SLC38A6: variants seen among roughly 807,000 people sequenced by gnomAD.
SLC38A6 encodes solute carrier family 38 member 6.
In SLC38A6, 73 loss-of-function variants were observed where a neutral mutation model predicts 65.0. The ratio of observed to expected loss-of-function variants is 1.12; its 90% CI spans 0.93 to 1.37. SLC38A6 has a LOEUF of 1.37. Ranked by LOEUF, SLC38A6 falls within the 40% of genes most tolerant of loss-of-function variation. The pLI, the probability that SLC38A6 is intolerant of heterozygous loss-of-function variation, is 0.00. For synonymous variants in SLC38A6, 183 were observed against 178.8 expected (o/e 1.02, Z -0.19); for missense variants, 561 against 531.1 (o/e 1.06, Z -0.55).
intron 6 of SLC38A6, among the ~76,000 whole-genome samples, chr14:61,035,245 AAAAG>A (rs2041275177): frequency 6.6e-6 from 1 of 152,318 alleles, no homozygotes; most frequent in East Asian, 1.9e-4. Flanking sequence ...ATTGAGAAAA[AAAAG>A]CAAAGAAAAA....
intron 15 of SLC38A6, among the ~76,000 whole-genome samples, chr14:61,073,211 C>T (rs1163170532): frequency 6.6e-6 from 1 of 151,812 alleles, no homozygotes; most frequent in East Asian, 1.9e-4. Context: ...AATATTTTGC[C>T]CATTTTTTGA....
At chr14:61,039,524 ATTTTTTT>A (rs5809078) in intron 8 of SLC38A6, among the ~76,000 whole-genome samples, 4 of 130,598 alleles carry the variant, frequency 3.1e-5, no homozygotes, top group African/African-American at 1.1e-4. Flanking sequence ...GTGCATGCTA[ATTTTTTT>A]TTTTTTTTTT....
intron 3 of SLC38A6, among the ~76,000 whole-genome samples, chr14:60,997,700 G>T (rs996380980): frequency 6.6e-6 from 1 of 152,156 alleles, no homozygotes; most frequent in Non-Finnish European, 1.5e-5. Context: ...AAAGAAACAG[G>T]TTAACAAATG....
chr14:61,037,158 C>A lies in SLC38A6; in HGVS notation c.565+17C>A, dbSNP rs775476969. The A allele has an allele frequency of 2.6e-6, 4 of 1,530,494 alleles. No homozygotes were observed. In the East Asian group the frequency reaches 7.0e-5, roughly 27 times the overall value. The allele number at this position is 1,530,494 out of a possible 1,614,324, so 94.8% of individuals were successfully genotyped here. A position where few individuals can be genotyped will look rare whatever the true frequency, so the allele number is the denominator to read the frequency against. ...CCAAAATAGGTAAGTCTTTATAGAG[C>A]ACATTATTTGTTTAGAAAAAGGAAA... On this transcript the variant is annotated intron_variant, in intron 7 of 15. Transcript: ENST00000267488.
rs532190288 is a variant in SLC38A6, at chr14:61,012,084, A to G, written c.311-3820A>G. 8.7e-4 allele frequency among the ~76,000 whole-genome samples: 132 copies of G among 152,256 alleles called. 1 individual carries two copies. The highest frequency in any genetic ancestry group is 3.1e-3 in the African/African-American group (128 of 41,538). On this transcript the variant is annotated intron_variant, in intron 3 of 15. Coordinates refer to ENST00000267488, the MANE Select transcript of SLC38A6 (RefSeq NM_153811.3). ...GAGCCTGTTATTGGTCTATTCAGAG[A>G]TTCAACTTCTTCCTGGTTTAGTGTT...
chr14:61,026,023 T>C (rs2040591804), intron 5 of SLC38A6, among the ~76,000 whole-genome samples: 1 of 152,186 alleles, frequency 6.6e-6, no homozygotes, highest in African/African-American at 2.4e-5. Context: ...AACCTAATTC[T>C]GTTTTAAAAA....
At chr14:61,023,735 G>A (rs930584831) in intron 5 of SLC38A6, among the ~76,000 whole-genome samples, 15 of 151,648 alleles carry the variant, frequency 9.9e-5, no homozygotes, top group African/African-American at 3.6e-4. Flanking sequence ...TACAATTCCT[G>A]TGGTGAATCC....
chr14:61,042,235 G>T (rs1057281403), intron 8 of SLC38A6, among the ~76,000 whole-genome samples: 3 of 152,052 alleles, frequency 2.0e-5, no homozygotes, highest in Non-Finnish European at 2.9e-5. Context: ...TTATCACTGT[G>T]TAAAATTTTG....
At chr14:61,036,964 G>GTA in intron 6 of SLC38A6, 95 bp from the exon 7 acceptor site, 1 of 520,170 alleles carries the variant, frequency 1.9e-6, no homozygotes, top group South Asian at 2.5e-5. Flanking sequence ...ATAACTCTGT[G>GTA]TGTGTGTGTG....
chr14:61,018,263 T>C (rs925213034), intron 4 of SLC38A6, among the ~76,000 whole-genome samples: 1 of 152,230 alleles, frequency 6.6e-6, no homozygotes, highest in African/African-American at 2.4e-5. Context: ...GTACTGAAGA[T>C]AGTATACACA....
intron 1 of SLC38A6, 130 bp from the exon 2 acceptor site, chr14:60,982,378 C>T: frequency 1.7e-6 from 2 of 1,156,740 alleles, no homozygotes; most frequent in African/African-American, 1.5e-5. Context: ...GTTGGTTAAG[C>T]AACGAGTGTG....
chr14:61,040,906 G>A (rs1476282438), intron 8 of SLC38A6, among the ~76,000 whole-genome samples: 1 of 152,158 alleles, frequency 6.6e-6, no homozygotes, highest in African/African-American at 2.4e-5. Flanking sequence ...CAATCTAGTA[G>A]GGGAGATAAA....
chr14:61,024,709 A>G (rs1410826302), intron 5 of SLC38A6, among the ~76,000 whole-genome samples: 1 of 152,240 alleles, frequency 6.6e-6, no homozygotes, highest in Non-Finnish European at 1.5e-5. Context: ...TAAACCATTC[A>G]GTAGGCTAGA....
At chr14:60,984,643 C>T in intron 2 of SLC38A6, 87 bp from the exon 3 acceptor site, 1 of 1,000,102 alleles carries the variant, frequency 1.0e-6, no homozygotes, top group Non-Finnish European at 1.6e-6. Context: ...GAATATTTGA[C>T]TGTTAAGCAA....
rs528944939 is a variant in SLC38A6 at position 60,984,500 on chromosome 14, T to A, written c.237-230T>A. ...GTTTGCTTGTATTTTTAAAAAAGTT[T>A]GGTTTTTATTTTTTTTTATTTTAAA... On this transcript the variant is annotated intron_variant, in intron 2 of 15. Transcript: ENST00000267488. Among the ~76,000 whole-genome samples the A allele has an allele frequency of 2.0e-5, 3 of 151,882 alleles. No homozygotes were observed. In the East Asian group the frequency reaches 5.8e-4, roughly 29 times the overall value.
At chr14:60,986,751 C>G (rs2037477751) in intron 3 of SLC38A6, among the ~76,000 whole-genome samples, 1 of 152,134 alleles carries the variant, frequency 6.6e-6, no homozygotes, top group African/African-American at 2.4e-5. Flanking sequence ...TTGGTAGATT[C>G]TTTCAATTCA....
chr14:61,051,984 C>G, intron 14 of SLC38A6, 53 bp downstream of exon 14: 1 of 1,602,020 alleles, frequency 6.2e-7, no homozygotes, highest in Non-Finnish European at 8.5e-7. Context: ...AAATTGCTAC[C>G]CAGCCTCACA....
At chr14:61,035,266 A>G (rs2041276788) in intron 6 of SLC38A6, among the ~76,000 whole-genome samples, 1 of 152,196 alleles carries the variant, frequency 6.6e-6, no homozygotes, top group Admixed American at 6.6e-5. Context: ...AAAATCATGC[A>G]TAACATCTCT....
chr14:60,987,060 G>A (rs2037502613), intron 3 of SLC38A6: 1 of 417,804 alleles, frequency 2.4e-6, no homozygotes, highest in South Asian at 1.7e-5. Context: ...AGCCTACTTG[G>A]GCCCATGAAC....
Sources: gnomAD v4.1 joint callset for allele counts (sites outside exome capture counted in the v4.1 genomes callset) on GRCh38, gnomAD v4.1.1 for gene constraint, MANE v1.5 for transcripts, NCBI Gene and HGNC (gene_info 2026-07-23, HGNC 2026-07-21) for gene names.